TRAF2: variants seen among roughly 807,000 people sequenced by gnomAD.
TRAF2 encodes the protein TNF receptor associated factor 2.
A neutral mutation model predicts 55.6 loss-of-function variants in TRAF2; 6 were observed. That is an observed-to-expected ratio of 0.11 (90% CI 0.06 to 0.21). The LOEUF (loss-of-function observed/expected upper bound fraction) is 0.21. Among genes scored for constraint, TRAF2 ranks in the 10% least tolerant of loss-of-function variants. The probability of loss-of-function intolerance (pLI) is 1.00; values close to 1 mark genes in which losing one functional copy is unlikely to be tolerated. For missense variants in TRAF2, 561 were observed against 684.5 expected (o/e 0.82, Z 2.01); for synonymous variants, 329 against 276.3 (o/e 1.19, Z -1.89).
chr9:136,921,367 A>G, intron 9 of TRAF2, 152 bp downstream of exon 9: 1 of 1,044,446 alleles, frequency 9.6e-7, no homozygotes, highest in Non-Finnish European at 1.4e-6. Flanking sequence ...CCTGAGTGGC[A>G]AGTGGGGTAG....
chr9:136,892,348 C>T (rs1849597370), intron 1 of TRAF2, among the ~76,000 whole-genome samples: 1 of 152,042 alleles, frequency 6.6e-6, no homozygotes, highest in Non-Finnish European at 1.5e-5. Context: ...CCTGTAGTCC[C>T]AGCTACTTGG....
At chr9:136,912,152 C>CTTTTTTTTTTTTTTTTTTTTTTT (rs1180324647) in intron 6 of TRAF2, among the ~76,000 whole-genome samples, 1 of 58,302 alleles carries the variant, frequency 1.7e-5, no homozygotes. Context: ...GCGTCTGGCC[C>CTTTTTTTTTTTTTTTTTTTTTTT]TTTTTTTTTT....
intron 4 of TRAF2, chr9:136,900,745 C>A: frequency 1.8e-6 from 1 of 553,492 alleles, no homozygotes; most frequent in Admixed American, 2.8e-5. Flanking sequence ...GCTGTGTGAC[C>A]TCGGGCGAGG....
chr9:136,883,202 T>TG (rs1054967916), upstream of TRAF2, among the ~76,000 whole-genome samples: 11 of 151,898 alleles, frequency 7.2e-5, no homozygotes, highest in South Asian at 2.1e-4. Flanking sequence ...GCCAATCTTC[T>TG]GGAAACAGAG....
At chr9:136,901,128 C>T (rs1849810978) in intron 4 of TRAF2, among the ~76,000 whole-genome samples, 1 of 126,966 alleles carries the variant, frequency 7.9e-6, no homozygotes, top group Non-Finnish European at 1.6e-5. Flanking sequence ...GCACGCCTTC[C>T]TGCACTGGGG....
chr9:136,921,394 C>T (rs969970511), intron 9 of TRAF2, among the ~76,000 whole-genome samples, 179 bp downstream of exon 9: 17 of 152,090 alleles, frequency 1.1e-4, no homozygotes, highest in African/African-American at 2.4e-4. Context: ...ATGGGCTGGC[C>T]GGTGGGTGCC....
At chr9:136,925,304 G>A (rs1564424243) in intron 10 of TRAF2, among the ~76,000 whole-genome samples, 1 of 152,232 alleles carries the variant, frequency 6.6e-6, no homozygotes, top group Non-Finnish European at 1.5e-5. Flanking sequence ...TCACGAGTGG[G>A]CAGTGGGTGC....
At position 136,926,401 on chromosome 9, in the gene TRAF2, A is replaced by AGG. The variant is rs17250694; in HGVS notation, c.*502_*503dup. The AGG allele has an allele frequency of 0.61, 191,849 of 314,710 alleles. 59,716 individuals carry two copies. The highest frequency in any genetic ancestry group is 0.71 in the East Asian group (9,002 of 12,608). The allele number at this position is 314,710 out of a possible 1,614,324, so 19.5% of individuals were successfully genotyped here. On this transcript the variant is annotated 3_prime_UTR_variant, in exon 11 of 11. Coordinates refer to ENST00000247668, the MANE Select transcript of TRAF2 (RefSeq NM_021138.4). Reference sequence around the variant, plus strand: ...TTCTCCCCTCTGGCCCCTGGAGAGAAGGGAGCATTCCTAGACCCCTGGGTG... The same window carrying AGG: ...TTCTCCCCTCTGGCCCCTGGAGAGAAGGGGGAGCATTCCTAGACCCCTGGGTG...
At chr9:136,895,035 T>C (rs1416131962) in intron 1 of TRAF2, among the ~76,000 whole-genome samples, 1 of 152,110 alleles carries the variant, frequency 6.6e-6, no homozygotes, top group Admixed American at 6.5e-5. Flanking sequence ...CCCTGGTGAA[T>C]GGTGGAGCGG....
chr9:136,909,669 TCTC>T (rs1201118757), intron 5 of TRAF2, among the ~76,000 whole-genome samples: 3 of 152,120 alleles, frequency 2.0e-5, no homozygotes, highest in Non-Finnish European at 4.4e-5. Flanking sequence ...GGCTTCCAAA[TCTC>T]CTCTGGTGGC....
chr9:136,915,868 G>A (rs981962709), intron 6 of TRAF2, among the ~76,000 whole-genome samples: 2 of 152,138 alleles, frequency 1.3e-5, no homozygotes, highest in African/African-American at 4.8e-5. Flanking sequence ...AGTTACGGCC[G>A]TTTCCCTCCT....
chr9:136,913,950 GA>G (rs1850181804), intron 6 of TRAF2, among the ~76,000 whole-genome samples: 1 of 152,216 alleles, frequency 6.6e-6, no homozygotes, highest in Non-Finnish European at 1.5e-5. Context: ...TGGTCCTTTG[GA>G]GGCTGACCTG....
At chr9:136,910,031 G>T (rs756334555) in intron 6 of TRAF2, 37 bp downstream of exon 6, 1 of 1,602,242 alleles carries the variant, frequency 6.2e-7, no homozygotes, top group East Asian at 2.3e-5. Context: ...ACCGCAGGGC[G>T]GGGCCCATGT....
intron 4 of TRAF2, among the ~76,000 whole-genome samples, chr9:136,904,694 C>G (rs903518123): frequency 6.6e-6 from 1 of 152,070 alleles, no homozygotes; most frequent in Admixed American, 6.6e-5. Context: ...AGGCGTTAGC[C>G]ACCGCGCCTG....
intron 1 of TRAF2, among the ~76,000 whole-genome samples, chr9:136,887,994 C>T (rs1248823291): frequency 1.3e-5 from 2 of 151,980 alleles, no homozygotes; most frequent in African/African-American, 2.4e-5. Flanking sequence ...CTCAGCCTCC[C>T]GAGCAGCTGG....
In TRAF2 at chr9:136,908,366, G is replaced by T. The variant is rs576147312; in HGVS notation, c.528+135G>T. The T allele has an allele frequency of 9.0e-6, 9 of 998,636 alleles. No individual in the cohort carries two copies. In the African/African-American group the frequency reaches 1.3e-4, roughly 15 times the overall value. The allele number at this position is 998,636 out of a possible 1,614,324, so 61.9% of individuals were successfully genotyped here. A position where few individuals can be genotyped will look rare whatever the true frequency, so the allele number is the denominator to read the frequency against. ...CCCTCGGCCCTTTCCCTGGAGACACGCGGGCGGATGTTTCTTGGCAGAACT... is the reference window on the plus strand; with the variant it reads ...CCCTCGGCCCTTTCCCTGGAGACACTCGGGCGGATGTTTCTTGGCAGAACT... On this transcript the variant is annotated intron_variant, in intron 5 of 10. Coordinates refer to ENST00000247668, the MANE Select transcript of TRAF2 (RefSeq NM_021138.4).
At chr9:136,917,857 A>T (rs1850277966) in intron 7 of TRAF2, among the ~76,000 whole-genome samples, 1 of 151,738 alleles carries the variant, frequency 6.6e-6, no homozygotes, top group Non-Finnish European at 1.5e-5. Flanking sequence ...CCCGTGCGGG[A>T]GGTTGCGTAG....
chr9:136,899,763 A>G, intron 3 of TRAF2, 91 bp downstream of exon 3: 5 of 1,268,466 alleles, frequency 3.9e-6, no homozygotes, highest in Non-Finnish European at 4.4e-6. Context: ...AGTGGCTCAC[A>G]CCTGTAATCC....
chr9:136,900,635 T>C, intron 4 of TRAF2, 115 bp downstream of exon 4: 1 of 823,450 alleles, frequency 1.2e-6, no homozygotes, highest in South Asian at 1.4e-5. Context: ...GGCTGAAGCC[T>C]GTCTGATGTC....
Sources: gnomAD v4.1 joint callset for allele counts (sites outside exome capture counted in the v4.1 genomes callset) on GRCh38, gnomAD v4.1.1 for gene constraint, MANE v1.5 for transcripts, NCBI Gene and HGNC (gene_info 2026-07-23, HGNC 2026-07-21) for gene names.